AMOTL2: variants seen among roughly 807,000 people sequenced by gnomAD.
AMOTL2 encodes angiomotin like 2, also known as angiomotin-like protein 2.
Under a neutral mutation model 78.4 loss-of-function variants are expected in AMOTL2, and 33 were observed. The ratio of observed to expected loss-of-function variants is 0.42; its 90% CI spans 0.32 to 0.56. The LOEUF is 0.56. Ranked by LOEUF, AMOTL2 falls within the 20% of genes least tolerant of loss-of-function variation. The pLI is 0.12. For missense variants in AMOTL2, 983 were observed against 1,030.1 expected (o/e 0.95, Z 0.63); for synonymous variants, 422 against 428.8 (o/e 0.98, Z 0.20).
In AMOTL2 at chr3:134,356,575, C is replaced by T. The variant is rs767271237; in HGVS notation, c.*1130G>A. ...GGGCTCCATTCAGAGGACTATTTGACTCTTGTAGCTCATTAACTAGTTTTC... is the reference window on the plus strand; with the variant it reads ...GGGCTCCATTCAGAGGACTATTTGATTCTTGTAGCTCATTAACTAGTTTTC... On this transcript the variant is annotated 3_prime_UTR_variant, in exon 10 of 10. Coordinates refer to ENST00000249883, the MANE Select transcript of AMOTL2 (RefSeq NM_016201.4). The T allele has an allele frequency of 6.5e-6, 1 of 152,684 alleles. No individual in the cohort carries two copies. Among genetic ancestry groups the T allele is most frequent in the Non-Finnish European group, 1.5e-5 (1 of 68,070 alleles). The allele number at this position is 152,684 out of a possible 1,614,324, so 9.5% of individuals were successfully genotyped here. A position where few individuals can be genotyped will look rare whatever the true frequency, so the allele number is the denominator to read the frequency against.
chr3:134,373,385 G>T, intron 1 of AMOTL2: 1 of 838,844 alleles, frequency 1.2e-6, no homozygotes, highest in Non-Finnish European at 1.4e-6. Context: ...TGCCCGGACT[G>T]GGAGCAAGGA....
At position 134,367,586 on chromosome 3, in the gene AMOTL2, G is replaced by C; in HGVS notation, c.952C>G (p.Leu318Val). Residue 318 changes from leucine (L) to valine (V), a missense_variant, in exon 3 of 10, where the codon CTG becomes GTG. Leu to Val is a conservative substitution (Grantham distance 32). Transcript: ENST00000249883. ...CTCTGCAGCCTGGCATTCTCCCTCAGCACGGCCTCCATCTGGGCCAGGTGG... is the reference window on the plus strand; with the variant it reads ...CTCTGCAGCCTGGCATTCTCCCTCACCACGGCCTCCATCTGGGCCAGGTGG... The part of the protein sequence containing the change: ...SAHLAQMEAV[L>V]RENARLQRDN... The C allele has an allele frequency of 6.2e-7, 1 of 1,613,542 alleles. No homozygotes were observed. Among genetic ancestry groups the C allele is most frequent in the East Asian group, 2.2e-5 (1 of 44,880 alleles).
At chr3:134,372,887 G>T (rs919651613) in intron 1 of AMOTL2, among the ~76,000 whole-genome samples, 1 of 113,302 alleles carries the variant, frequency 8.8e-6, no homozygotes, top group Non-Finnish European at 1.6e-5. Flanking sequence ...GGGATCCAGG[G>T]AAAACTAAAC....
upstream of AMOTL2, chr3:134,374,792 A>C: frequency 9.7e-7 from 1 of 1,029,312 alleles, no homozygotes; most frequent in African/African-American, 1.7e-5. Flanking sequence ...TATCGCCTCC[A>C]CTCCCAGTCG....
chr3:134,375,187 C>G (rs1383535880), upstream of AMOTL2: 5 of 1,535,608 alleles, frequency 3.3e-6, no homozygotes, highest in South Asian at 2.4e-5. Context: ...GACCCACCTA[C>G]CCAACTGAAT....
chr3:134,373,618 C>CA, intron 1 of AMOTL2: 8 of 985,508 alleles, frequency 8.1e-6, no homozygotes, highest in African/African-American at 1.7e-5. Context: ...GAACCAAAGA[C>CA]AGTCTCCAAG....
In AMOTL2 at chr3:134,370,674, G is replaced by T. The variant is rs1424196247; in HGVS notation, c.734+26C>A. ...CTGTGCTGGAAGAAAGCCAGGAGTT[G>T]GAAAGCCCAAGGTGGGGAGAGTTAC... On this transcript the variant is annotated intron_variant, in intron 2 of 9. Transcript: ENST00000249883. The T allele has an allele frequency of 6.0e-6, 9 of 1,502,504 alleles. No individual in the cohort carries two copies. In the African/African-American group the frequency reaches 8.4e-5, roughly 14 times the overall value. 93.1% of individuals were successfully genotyped at this position (1,502,504 alleles called of 1,614,324 possible).
Position 134,371,441 on chromosome 3 carries a change from T to G in AMOTL2, c.-8A>C. 1 of 1,600,308 alleles carries G rather than the reference T, an allele frequency of 6.2e-7. No individual in the cohort carries two copies. The highest frequency in any genetic ancestry group is 8.5e-7 in the Non-Finnish European group (1 of 1,179,480). On this transcript the variant is annotated 5_prime_UTR_variant, in exon 2 of 10. Transcript: ENST00000249883. ...GTCTTCCAGTGTCCTCATGCTTCTT[T>G]GGCTTGCACACAGCTGCCTGGACAA...
At chr3:134,375,126 C>T, upstream of AMOTL2, 3 of 1,523,754 alleles carry the variant, frequency 2.0e-6, no homozygotes, top group Admixed American at 4.0e-5. Context: ...AGCTATTTTA[C>T]GACCGTCTCG....
chr3:134,373,043 C>T (rs1226020229), intron 1 of AMOTL2, among the ~76,000 whole-genome samples: 5 of 152,084 alleles, frequency 3.3e-5, no homozygotes, highest in African/African-American at 4.8e-5. Context: ...CAGCCATTCC[C>T]GATCTTTTCC....
intron 5 of AMOTL2, among the ~76,000 whole-genome samples, chr3:134,363,264 G>C (rs539230902): frequency 6.6e-6 from 1 of 152,292 alleles, no homozygotes; most frequent in South Asian, 2.1e-4. Flanking sequence ...ATGTTTGAAG[G>C]CTGAGCCCAG....
intron 3 of AMOTL2, 166 bp from the exon 4 acceptor site, chr3:134,366,593 G>A (rs1047394419): frequency 4.6e-5 from 31 of 670,930 alleles, no homozygotes; most frequent in Admixed American, 3.4e-4. Context: ...TGTAGCCTCC[G>A]GAAGTAGAAT....
At chr3:134,370,571 C>T (rs918247006) in intron 2 of AMOTL2, 129 bp downstream of exon 2, 10 of 1,244,382 alleles carry the variant, frequency 8.0e-6, no homozygotes, top group Non-Finnish European at 1.1e-5. Context: ...TTAGCTCTCC[C>T]TTCTCAGGTT....
chr3:134,364,120 A>C (rs1187102933), intron 5 of AMOTL2, among the ~76,000 whole-genome samples: 1 of 151,264 alleles, frequency 6.6e-6, no homozygotes, highest in African/African-American at 2.4e-5. Context: ...GCGAGCCCCC[A>C]CCTCCACGTT....
rs975016443 is a variant in AMOTL2, at chr3:134,366,409, G to A, written c.1060C>T (p.Arg354Trp). Residue 354 changes from arginine (R) to tryptophan (W), a missense_variant, in exon 4 of 10, where the codon CGG becomes TGG. Arg to Trp is a moderately radical substitution (Grantham distance 101, BLOSUM62 -3). Coordinates refer to ENST00000249883, the MANE Select transcript of AMOTL2 (RefSeq NM_016201.4). Reference sequence around the variant, plus strand: ...AGGCTCTCATGGGCCTCAGAGAGCCGCTGGATTTCGCTTTCCAGCTGCAAG... The same window carrying A: ...AGGCTCTCATGGGCCTCAGAGAGCCACTGGATTTCGCTTTCCAGCTGCAAG... The part of the protein sequence containing the change: ...RIEKLESEIQ[R>W]LSEAHESLTR... The A allele has an allele frequency of 1.4e-5, 22 of 1,612,238 alleles. No individual in the cohort carries two copies. The highest frequency in any genetic ancestry group is 1.5e-5 in the Non-Finnish European group (18 of 1,179,684).
chr3:134,372,032 C>G (rs916131939), intron 1 of AMOTL2: 3 of 158,036 alleles, frequency 1.9e-5, no homozygotes, highest in Non-Finnish European at 4.2e-5. Flanking sequence ...TGCATGCAGT[C>G]CAGTAGAAGC....
At chr3:134,366,801 G>GGGCAC (rs2017624609) in intron 3 of AMOTL2, 1 of 186,882 alleles carries the variant, frequency 5.4e-6, no homozygotes, top group Non-Finnish European at 1.1e-5. Context: ...GGCCAGAAGT[G>GGGCAC]GGCACCGAAA....
chr3:134,360,077 C>A (rs1349452967), intron 7 of AMOTL2, 29 bp downstream of exon 7: 2 of 1,588,286 alleles, frequency 1.3e-6, no homozygotes, highest in South Asian at 2.3e-5. Context: ...ACCCCCCCAA[C>A]CTCAGGTGCC....
At chr3:134,361,401 A>C in intron 6 of AMOTL2, 111 bp downstream of exon 6, 2 of 1,308,906 alleles carry the variant, frequency 1.5e-6, no homozygotes, top group Non-Finnish European at 2.0e-6. Flanking sequence ...CCTAGATCTA[A>C]GCAGGGGCTC....
Sources: allele counts gnomAD v4.1 joint callset (sites outside exome capture counted in the v4.1 genomes callset), GRCh38; gene constraint gnomAD v4.1.1; transcripts MANE v1.5; gene names NCBI Gene and HGNC (gene_info 2026-07-23, HGNC 2026-07-21).